POLR3A: variants seen among roughly 807,000 people sequenced by gnomAD.
POLR3A encodes DNA-directed RNA polymerase III subunit RPC1.
In POLR3A, 112 loss-of-function variants were observed where a neutral mutation model predicts 152.8. That is an observed-to-expected ratio of 0.73 (90% confidence interval 0.63 to 0.86). The LOEUF (loss-of-function observed/expected upper bound fraction) is 0.86, where lower values mean the gene tolerates loss of function less well. Ranked by LOEUF, POLR3A falls within the 40% of genes least tolerant of loss-of-function variation. The pLI, the probability that POLR3A is intolerant of heterozygous loss-of-function variation, is 0.00. For missense variants in POLR3A, 1,385 were observed against 1,743.1 expected (o/e 0.79, Z 3.66); for synonymous variants, 615 against 652.1 (o/e 0.94, Z 0.87).
At chr10:78,000,888 G>A (rs190072159) in intron 18 of POLR3A, 88 bp downstream of exon 18, 3 of 766,834 alleles carry the variant, frequency 3.9e-6, no homozygotes, top group East Asian at 2.7e-5. Flanking sequence ...ATTGGCCAAC[G>A]GTCTTTGATC....
intron 5 of POLR3A, among the ~76,000 whole-genome samples, chr10:78,022,840 G>T (rs1485251883): frequency 6.6e-6 from 1 of 152,136 alleles, no homozygotes; most frequent in Admixed American, 6.6e-5. Context: ...CACAGCAATT[G>T]ACATAAAAAA....
chr10:78,003,317 T>C (rs1003629601), intron 16 of POLR3A, among the ~76,000 whole-genome samples: 1 of 152,240 alleles, frequency 6.6e-6, no homozygotes, highest in African/African-American at 2.4e-5. Flanking sequence ...CTCCCTGCTT[T>C]AGAAAATGTA....
chr10:77,994,999 C>A (rs995240793), intron 19 of POLR3A, among the ~76,000 whole-genome samples: 5 of 152,210 alleles, frequency 3.3e-5, no homozygotes, highest in Non-Finnish European at 5.9e-5. Flanking sequence ...AGAGTGGGGA[C>A]CAATATTCAA....
rs1207999168 is a variant in POLR3A, at chr10:77,975,414, G to A, written c.*2064C>T. On this transcript the variant is annotated 3_prime_UTR_variant, in exon 31 of 31. Transcript: ENST00000372371. ...AGTCCTAGCAAGGCTGGCAGTTCCA[G>A]GAGGAGGACCAGCACCTCCAGGACG... The A allele has an allele frequency of 1.3e-5, 2 of 152,280 alleles. No homozygotes were observed. Among genetic ancestry groups the A allele is most frequent in the Non-Finnish European group, 2.9e-5 (2 of 68,086 alleles). The allele number at this position is 152,280 out of a possible 1,614,324, so 9.4% of individuals were successfully genotyped here.
chr10:78,024,822 G>T, intron 4 of POLR3A, 119 bp from the exon 5 acceptor site: 1 of 1,321,440 alleles, frequency 7.6e-7, no homozygotes, highest in Non-Finnish European at 1.1e-6. Flanking sequence ...TGAGAGGTCC[G>T]TTTCCCAATA....
intron 27 of POLR3A, 90 bp downstream of exon 27, chr10:77,982,563 G>T: frequency 8.5e-7 from 1 of 1,181,026 alleles, no homozygotes; most frequent in Non-Finnish European, 1.2e-6. Context: ...TTAAGAAATC[G>T]GACTAAGTGA....
At chr10:77,989,118 C>T (rs1247166890) in intron 21 of POLR3A, among the ~76,000 whole-genome samples, 1 of 152,190 alleles carries the variant, frequency 6.6e-6, no homozygotes, top group East Asian at 1.9e-4. Flanking sequence ...AGAAAAACAG[C>T]TCACTTTTTG....
intron 15 of POLR3A, among the ~76,000 whole-genome samples, chr10:78,006,721 C>G (rs1461372053): frequency 6.6e-6 from 1 of 152,110 alleles, no homozygotes; most frequent in Non-Finnish European, 1.5e-5. Flanking sequence ...TGAAATTACT[C>G]AGTGCTTAGC....
At chr10:78,010,134 C>T in intron 12 of POLR3A, 143 bp from the exon 13 acceptor site, 1 of 1,073,444 alleles carries the variant, frequency 9.3e-7, no homozygotes, top group Non-Finnish European at 1.4e-6. Flanking sequence ...TCTCCTCCAA[C>T]TAGGATCTAC....
At position 77,999,698 on chromosome 10, in the gene POLR3A, G is replaced by A. The variant is rs1393023767; in HGVS notation, c.2616+283C>T. Among the ~76,000 whole-genome samples the A allele has an allele frequency of 2.0e-5, 3 of 152,190 alleles. No individual in the cohort carries two copies. In the East Asian group the frequency reaches 5.8e-4, roughly 29 times the overall value. ...TAGTAAAGCGAGGCTTAGTGAGGTTGAATGACATATCCCACAATGTACTTC... is the reference window on the plus strand; with the variant it reads ...TAGTAAAGCGAGGCTTAGTGAGGTTAAATGACATATCCCACAATGTACTTC... On this transcript the variant is annotated intron_variant, in intron 19 of 30. Transcript: ENST00000372371.
chr10:78,012,450 C>A (rs1362905391), intron 11 of POLR3A, among the ~76,000 whole-genome samples: 4 of 151,652 alleles, frequency 2.6e-5, no homozygotes, highest in African/African-American at 9.7e-5. Context: ...ATGATGCATG[C>A]AATACTAAAA....
chr10:78,000,375 A>T (rs1375756867), intron 18 of POLR3A, among the ~76,000 whole-genome samples: 9 of 152,162 alleles, frequency 5.9e-5, no homozygotes, highest in Non-Finnish European at 1.3e-4. Flanking sequence ...GAAACCTAAG[A>T]TCTGGATGCT....
chr10:78,004,606 T>C, intron 16 of POLR3A, 110 bp downstream of exon 16: 1 of 866,488 alleles, frequency 1.2e-6, no homozygotes, highest in Non-Finnish European at 1.9e-6. Flanking sequence ...ATGCCTTGAC[T>C]TGCCCACTCC....
chr10:77,999,834 G>T, intron 19 of POLR3A, 147 bp downstream of exon 19: 1 of 780,086 alleles, frequency 1.3e-6, no homozygotes, highest in Non-Finnish European at 2.1e-6. Flanking sequence ...TCATTTCCAG[G>T]GCATCTACCT....
Position 78,007,823 on chromosome 10 carries a change from G to A in POLR3A, c.1953C>T (p.Asp651=), listed in dbSNP as rs753662483. The A allele has an allele frequency of 6.2e-7, 1 of 1,613,684 alleles. No individual in the cohort carries two copies. ...TGGATCCTGACCCTAGGGTTCCTTT[G>A]TCCATGCTGCCACTCATCAACTCAC... ...QNSELMSGSM[D]KGTLGSGSKN... Residue 651 remains aspartate, a synonymous_variant, in exon 15 of 31, where the codon GAC becomes GAT. Coordinates refer to ENST00000372371, the MANE Select transcript of POLR3A (RefSeq NM_007055.4).
intron 12 of POLR3A, 84 bp downstream of exon 12, chr10:78,010,387 T>C: frequency 9.2e-7 from 1 of 1,092,638 alleles, no homozygotes; most frequent in South Asian, 1.2e-5. Flanking sequence ...AAATAGCTTT[T>C]CAAGTCATCA....
At chr10:78,000,952 T>G in intron 18 of POLR3A, 24 bp downstream of exon 18, 1 of 1,174,190 alleles carries the variant, frequency 8.5e-7, no homozygotes, top group East Asian at 2.3e-5. Context: ...TCTTCACAGT[T>G]CTACCTGATC....
rs575057668 is a variant in POLR3A at position 78,025,798 on chromosome 10, C to G, written c.181-39G>C. The G allele has an allele frequency of 3.7e-6, 6 of 1,606,626 alleles. No homozygotes were observed. In the South Asian group the frequency reaches 6.6e-5, roughly 18 times the overall value. ...CACACCCAATGATCAACACAGACTG[C>G]TGGACGGGAAAGAGTGCCCAGCCAT... is the stretch of plus-strand genomic sequence containing the variant. On this transcript the variant is annotated intron_variant, in intron 2 of 30. Coordinates refer to ENST00000372371, the MANE Select transcript of POLR3A (RefSeq NM_007055.4).
intron 29 of POLR3A, 126 bp downstream of exon 29, chr10:77,981,301 CT>C: frequency 1.0e-6 from 1 of 967,406 alleles, no homozygotes; most frequent in Admixed American, 1.7e-5. Flanking sequence ...ATGTTCACAT[CT>C]TATTTTCTCT....
Sources: gnomAD v4.1 joint callset for allele counts (sites outside exome capture counted in the v4.1 genomes callset) on GRCh38, gnomAD v4.1.1 for gene constraint, MANE v1.5 for transcripts, NCBI Gene and HGNC (gene_info 2026-07-23, HGNC 2026-07-21) for gene names.